The following MGAM2 variants were observed in gnomAD, a reference collection of about 807,000 sequenced individuals.
The protein encoded by MGAM2 is maltase-glucoamylase 2 (putative), also known as probable maltase-glucoamylase 2.
MGAM2 carries 98 observed loss-of-function variants against 96.1 expected under a neutral mutation model. The observed-to-expected ratio is 1.02, with a 90% CI of 0.87 to 1.21. The LOEUF (loss-of-function observed/expected upper bound fraction) is 1.21. MGAM2 is among the 50% of genes most tolerant of loss of function. The pLI, the probability that MGAM2 is intolerant of heterozygous loss-of-function variation, is 0.00. For synonymous variants in MGAM2, 749 were observed against 414.8 expected (o/e 1.81, Z -9.79); for missense variants, 2,055 against 1,182.4 (o/e 1.74, Z -10.82).
intron 40 of MGAM2, among the ~76,000 whole-genome samples, chr7:142,197,176 AG>A (rs1378575405): frequency 1.3e-5 from 2 of 152,212 alleles, no homozygotes; most frequent in Admixed American, 6.5e-5. Flanking sequence ...GTAGAGGGCC[AG>A]AGCTGGACCT....
At chr7:142,167,547 T>C in intron 26 of MGAM2, 61 bp downstream of exon 26, 1 of 685,844 alleles carries the variant, frequency 1.5e-6, no homozygotes, top group Non-Finnish European at 2.7e-6. Flanking sequence ...CAGTGCTGTA[T>C]GGATAGAAGT....
intron 1 of MGAM2, among the ~76,000 whole-genome samples, chr7:142,112,107 AG>A (rs1294939491): frequency 6.6e-6 from 1 of 151,414 alleles, no homozygotes; most frequent in Non-Finnish European, 1.5e-5. Flanking sequence ...TCTCACTGGG[AG>A]AAATTAAGGA....
Position 142,160,212 on chromosome 7 carries a change from G to T in MGAM2, c.2299G>T (p.Gly767Cys), listed in dbSNP as rs1192458472. 1 of 702,378 alleles carries T rather than the reference G, an allele frequency of 1.4e-6. No individual in the cohort carries two copies. The highest frequency in any genetic ancestry group is 2.6e-6 in the Non-Finnish European group (1 of 384,680). The allele number at this position is 702,378 out of a possible 1,614,324, so 43.5% of individuals were successfully genotyped here. ...CAAGATAGGACTTCATCTGCGAGGGGGCTACATATTTCCCACTCAGAAGCC... is the reference window on the plus strand; with the variant it reads ...CAAGATAGGACTTCATCTGCGAGGGTGCTACATATTTCCCACTCAGAAGCC... The part of the protein sequence containing the change: ...GDKIGLHLRG[G>C]YIFPTQKPNT... Residue 767 changes from glycine (G) to cysteine (C), a missense_variant, in exon 21 of 48, where the codon GGC becomes TGC. Coordinates refer to ENST00000477922, the MANE Select transcript of MGAM2 (RefSeq NM_001293626.2).
chr7:142,163,442 C>T (rs777701973), intron 23 of MGAM2, among the ~76,000 whole-genome samples: 6 of 152,050 alleles, frequency 3.9e-5, no homozygotes, highest in East Asian at 1.9e-4. Flanking sequence ...CCACCATGCC[C>T]GGCTAATTTT....
At chr7:142,169,527 T>A (rs1157061754) in intron 26 of MGAM2, among the ~76,000 whole-genome samples, 2 of 152,192 alleles carry the variant, frequency 1.3e-5, no homozygotes, top group Non-Finnish European at 2.9e-5. Context: ...TAACTCCTTG[T>A]CCTTCCATAA....
chr7:142,146,142 G>GTTTTTTTTTTTTTTTTTTTTTTTT (rs71166565), intron 14 of MGAM2, among the ~76,000 whole-genome samples: 1 of 108,972 alleles, frequency 9.2e-6, no homozygotes, highest in African/African-American at 3.5e-5. Context: ...AGTTTATCAT[G>GTTTTTTTTTTTTTTTTTTTTTTTT]TTTTTTTTTT....
intron 27 of MGAM2, chr7:142,171,039 G>T: frequency 1.8e-6 from 1 of 552,698 alleles, no homozygotes; most frequent in Non-Finnish European, 3.3e-6. Flanking sequence ...TTGCCCACAA[G>T]GACCCAGAAA....
At chr7:142,209,979 A>G (rs530776640) in intron 46 of MGAM2, among the ~76,000 whole-genome samples, 2 of 152,346 alleles carry the variant, frequency 1.3e-5, no homozygotes, top group Non-Finnish European at 2.9e-5. Flanking sequence ...TGCAGAAGGC[A>G]GGTGATTTCT....
At chr7:142,175,935 T>C (rs1252454816) in intron 32 of MGAM2, among the ~76,000 whole-genome samples, 155 bp downstream of exon 32, 1 of 152,036 alleles carries the variant, frequency 6.6e-6, no homozygotes, top group East Asian at 1.9e-4. Flanking sequence ...GAATCTATAA[T>C]TATTATTTTT....
At chr7:142,210,357 C>T (rs914082441) in intron 46 of MGAM2, among the ~76,000 whole-genome samples, 1 of 151,934 alleles carries the variant, frequency 6.6e-6, no homozygotes, top group Non-Finnish European at 1.5e-5. Context: ...GAACCATTCA[C>T]TCCCCTGGAA....
At chr7:142,144,540 A>G (rs1315060364) in intron 13 of MGAM2, among the ~76,000 whole-genome samples, 1 of 152,248 alleles carries the variant, frequency 6.6e-6, no homozygotes, top group Non-Finnish European at 1.5e-5. Flanking sequence ...ATAACAATAA[A>G]TATTTACAAT....
At chr7:142,180,178 T>C (rs1029362005) in intron 32 of MGAM2, among the ~76,000 whole-genome samples, 7 of 152,202 alleles carry the variant, frequency 4.6e-5, no homozygotes, top group African/African-American at 1.7e-4. Flanking sequence ...GGATATTCTG[T>C]ATATTTGTGT....
chr7:142,190,293 A>T (rs1391335060), intron 37 of MGAM2, among the ~76,000 whole-genome samples: 224 of 75,748 alleles, frequency 3.0e-3, no homozygotes, highest in African/African-American at 9.3e-3. Context: ...TTTTTTTTTG[A>T]TGGAGTCTGG....
At chr7:142,119,486 C>T (rs1554500365) in intron 2 of MGAM2, among the ~76,000 whole-genome samples, 1 of 152,172 alleles carries the variant, frequency 6.6e-6, no homozygotes, top group Non-Finnish European at 1.5e-5. Context: ...CTTTGGAAAA[C>T]TTTGCCAGTT....
At chr7:142,189,944 T>A (rs1331330555) in intron 37 of MGAM2, among the ~76,000 whole-genome samples, 3 of 152,214 alleles carry the variant, frequency 2.0e-5, no homozygotes, top group Non-Finnish European at 4.4e-5. Context: ...GTACTTTCAC[T>A]TGGCATAATG....
intron 17 of MGAM2, among the ~76,000 whole-genome samples, chr7:142,155,625 G>A (rs1254573252): frequency 6.6e-6 from 1 of 152,054 alleles, no homozygotes; most frequent in Non-Finnish European, 1.5e-5. Flanking sequence ...GGGCTTTTCT[G>A]GCCACTTGTG....
chr7:142,210,331 G>A (rs1194293430), intron 46 of MGAM2, among the ~76,000 whole-genome samples: 1 of 151,566 alleles, frequency 6.6e-6, no homozygotes, highest in Non-Finnish European at 1.5e-5. Context: ...GTGGTGCCTG[G>A]AACACCAGTG....
chr7:142,147,164 C>A (rs1349963293), intron 14 of MGAM2, among the ~76,000 whole-genome samples: 1 of 152,210 alleles, frequency 6.6e-6, no homozygotes, highest in East Asian at 1.9e-4. Context: ...TATACTTAGG[C>A]TCAGATCCAC....
chr7:142,160,249 C>G lies in MGAM2; in HGVS notation c.2336C>G (p.Thr779Arg). 1 of 700,540 alleles carries G rather than the reference C, an allele frequency of 1.4e-6. No homozygotes were observed. The highest frequency in any genetic ancestry group is 2.0e-5 in the Admixed American group (1 of 49,736). The allele number at this position is 700,540 out of a possible 1,614,324, so 43.4% of individuals were successfully genotyped here. ...CCCACTCAGAAGCCAAACACAACCA[C>G]AGAAGCCAGGTAAGCTCCTTACTCT... ...IFPTQKPNTT[T>R]EASRRNSLGL... Residue 779 changes from threonine (T) to arginine (R), a missense_variant, in exon 21 of 48, where the codon ACA (threonine) becomes AGA (arginine). Coordinates refer to ENST00000477922, the MANE Select transcript of MGAM2 (RefSeq NM_001293626.2).
Sources: gnomAD v4.1 joint callset for allele counts (sites outside exome capture counted in the v4.1 genomes callset) on GRCh38, gnomAD v4.1.1 for gene constraint, MANE v1.5 for transcripts, NCBI Gene and HGNC (gene_info 2026-07-23, HGNC 2026-07-21) for gene names.